PALS2: variants seen among roughly 807,000 people sequenced by gnomAD.
PALS2 encodes the protein protein associated with LIN7 2, MAGUK p55 family member, also known as protein PALS2.
PALS2 carries 27 observed loss-of-function variants against 61.6 expected under a neutral mutation model. That is an observed-to-expected ratio of 0.44 (90% CI 0.32 to 0.60). PALS2 has a LOEUF of 0.60. PALS2 is among the 20% of genes least tolerant of loss of function. The probability of loss-of-function intolerance (pLI) is 0.05; values close to 1 mark genes in which losing one functional copy is unlikely to be tolerated. For synonymous variants in PALS2, 236 were observed against 218.6 expected (o/e 1.08, Z -0.70); for missense variants, 554 against 639.4 (o/e 0.87, Z 1.44).
intron 5 of PALS2, among the ~76,000 whole-genome samples, chr7:24,654,624 A>G (rs1474463238): frequency 6.6e-6 from 1 of 152,180 alleles, no homozygotes; most frequent in Non-Finnish European, 1.5e-5. Context: ...CAGGTATATC[A>G]TGTCATGGAC....
In PALS2 at chr7:24,588,298, TTCTTA is replaced by T. The variant is rs1783152650; in HGVS notation, c.-3+14711_-3+14715del. 3.3e-5 allele frequency among the ~76,000 whole-genome samples: 5 copies of T among 152,328 alleles called. No homozygotes were observed. The South Asian group carries it at 1.0e-3, about 32-fold the overall frequency. The stretch of plus-strand genomic sequence containing the variant: ...GATTCTTACTCTTTGTTTCATTGTG[TTCTTA>T]TCTTAAGGGTATATCTTAGACATTT... On this transcript the variant is annotated intron_variant, in intron 1 of 11. Coordinates refer to ENST00000222644, the MANE Select transcript of PALS2 (RefSeq NM_001303037.2).
intron 2 of PALS2, among the ~76,000 whole-genome samples, chr7:24,627,096 C>A (rs1249649332): frequency 6.6e-6 from 1 of 152,178 alleles, no homozygotes; most frequent in African/African-American, 2.4e-5. Flanking sequence ...AGCACTTATT[C>A]TAAAATGGAC....
rs778965011 is a variant in PALS2, at chr7:24,679,384, T to A, written c.1317+51T>A. On this transcript the variant is annotated intron_variant, in intron 10 of 11. Transcript: ENST00000222644. ...TTTTATATTTTATTTTCTGTGGAGT[T>A]TTTTTCATGTGTGTCGGGGTTGTTG... The A allele has an allele frequency of 4.4e-6, 7 of 1,582,882 alleles. No homozygotes were observed. The South Asian group carries it at 8.0e-5, about 18-fold the overall frequency.
chr7:24,592,848 G>T (rs1253002952), intron 1 of PALS2, among the ~76,000 whole-genome samples: 1 of 152,054 alleles, frequency 6.6e-6, no homozygotes, highest in Admixed American at 6.6e-5. Context: ...TCTTTTGCTG[G>T]TGGAGGGTCT....
chr7:24,588,462 G>C (rs571329643), intron 1 of PALS2, among the ~76,000 whole-genome samples: 1 of 152,268 alleles, frequency 6.6e-6, no homozygotes, highest in South Asian at 2.1e-4. Context: ...GAGGGCCTCT[G>C]ATGATGTATT....
intron 1 of PALS2, among the ~76,000 whole-genome samples, chr7:24,582,977 C>T (rs1436795049): frequency 6.8e-6 from 1 of 147,172 alleles, no homozygotes; most frequent in Non-Finnish European, 1.5e-5. Context: ...TCACTGCAAC[C>T]TCTGCCTCCC....
At chr7:24,625,874 A>C (rs931646638) in intron 2 of PALS2, among the ~76,000 whole-genome samples, 6 of 152,180 alleles carry the variant, frequency 3.9e-5, no homozygotes, top group African/African-American at 1.4e-4. Context: ...GGTTAAAAAA[A>C]ATCCCAGGAA....
chr7:24,656,761 T>A (rs1438032893), intron 5 of PALS2, among the ~76,000 whole-genome samples: 1 of 152,032 alleles, frequency 6.6e-6, no homozygotes, highest in Non-Finnish European at 1.5e-5. Flanking sequence ...TGAACTCCTG[T>A]GCTCAAGCGA....
intron 2 of PALS2, among the ~76,000 whole-genome samples, chr7:24,637,720 T>C (rs1348583191): frequency 6.6e-6 from 1 of 152,204 alleles, no homozygotes; most frequent in East Asian, 1.9e-4. Context: ...CAAGCATGGT[T>C]GGAGTGTCCT....
chr7:24,583,988 A>C (rs1202255906), intron 1 of PALS2, among the ~76,000 whole-genome samples: 8 of 151,030 alleles, frequency 5.3e-5, no homozygotes, highest in Non-Finnish European at 1.2e-4. Context: ...AAAGGACATG[A>C]ACTCATCATT....
intron 10 of PALS2, 135 bp from the exon 11 acceptor site, chr7:24,680,257 A>G (rs1787847844): frequency 1.2e-6 from 1 of 804,606 alleles, no homozygotes; most frequent in Non-Finnish European, 1.9e-6. Flanking sequence ...TGAGAAGGAC[A>G]GAACAGGGAT....
At chr7:24,645,056 T>G (rs1269354139) in intron 3 of PALS2, among the ~76,000 whole-genome samples, 3 of 152,150 alleles carry the variant, frequency 2.0e-5, no homozygotes, top group African/African-American at 7.2e-5. Context: ...GATGCATCAT[T>G]TGCAAATGTT....
chr7:24,622,683 CTTTTTTTT>C (rs70942815), intron 1 of PALS2, among the ~76,000 whole-genome samples: 2 of 135,698 alleles, frequency 1.5e-5, no homozygotes, highest in Admixed American at 7.4e-5. Context: ...TTTCTTTTTT[CTTTTTTTT>C]TTTTTTGCTT....
chr7:24,661,191 A>G (rs1002329279), intron 5 of PALS2, among the ~76,000 whole-genome samples: 16 of 152,174 alleles, frequency 1.1e-4, no homozygotes, highest in Admixed American at 8.5e-4. Context: ...TCATATCTTT[A>G]ATGGTTTTAG....
At chr7:24,627,953 G>C (rs1160761145) in intron 2 of PALS2, among the ~76,000 whole-genome samples, 3 of 152,104 alleles carry the variant, frequency 2.0e-5, no homozygotes, top group African/African-American at 4.8e-5. Context: ...ACAGGAGCTG[G>C]TACCATTCCT....
At chr7:24,625,592 G>A (rs990871645) in intron 2 of PALS2, among the ~76,000 whole-genome samples, 2 of 152,076 alleles carry the variant, frequency 1.3e-5, no homozygotes, top group Non-Finnish European at 2.9e-5. Flanking sequence ...CGGGTGATGG[G>A]GTATGTGTAT....
chr7:24,633,146 C>CT (rs540660593), intron 2 of PALS2, among the ~76,000 whole-genome samples: 31 of 151,516 alleles, frequency 2.0e-4, no homozygotes, highest in African/African-American at 7.0e-4. Context: ...TTTATTTTAC[C>CT]TTTTTTTTCT....
rs1236582706 is a variant in PALS2 at position 24,687,846 on chromosome 7, C to T, written c.*232C>T. The T allele has an allele frequency of 5.8e-6, 2 of 343,962 alleles. No homozygotes were observed. Among genetic ancestry groups the T allele is most frequent in the Non-Finnish European group, 1.0e-5 (2 of 195,068 alleles). The allele number at this position is 343,962 out of a possible 1,614,324, so 21.3% of individuals were successfully genotyped here. A position where few individuals can be genotyped will look rare whatever the true frequency, so the allele number is the denominator to read the frequency against. On this transcript the variant is annotated 3_prime_UTR_variant, in exon 12 of 12. Coordinates refer to ENST00000222644, the MANE Select transcript of PALS2 (RefSeq NM_001303037.2). This position sits in a 1 kb window ranked among gnomAD's most constrained non-coding sequence, Gnocchi z 4.5. Reference sequence around the variant, plus strand: ...TTCTAACTTTGTATGGATAATCTTTCTATTCATATCACATAAAGAAATGCG... The same window carrying T: ...TTCTAACTTTGTATGGATAATCTTTTTATTCATATCACATAAAGAAATGCG...
At chr7:24,609,861 T>C (rs1175235590) in intron 1 of PALS2, among the ~76,000 whole-genome samples, 4 of 152,184 alleles carry the variant, frequency 2.6e-5, no homozygotes, top group Admixed American at 2.0e-4. Flanking sequence ...GCCCCTCCAC[T>C]GTGCCTGCAC....
Sources: allele counts gnomAD v4.1 joint callset (sites outside exome capture counted in the v4.1 genomes callset), GRCh38; gene constraint gnomAD v4.1.1; non-coding constraint Gnocchi (gnomAD v3.1); transcripts MANE v1.5; gene names NCBI Gene and HGNC (gene_info 2026-07-23, HGNC 2026-07-21).